CNOT4: variants seen among roughly 807,000 people sequenced by gnomAD.
The protein encoded by CNOT4 is CCR4-NOT transcription complex subunit 4.
Under a neutral mutation model 73.8 loss-of-function variants are expected in CNOT4, and 8 were observed. The ratio of observed to expected loss-of-function variants is 0.11; its 90% CI spans 0.06 to 0.20. The LOEUF is 0.20. Among genes scored for constraint, CNOT4 ranks in the 10% least tolerant of loss-of-function variants. The pLI is 1.00. For synonymous variants in CNOT4, 293 were observed against 321.1 expected (o/e 0.91, Z 0.94); for missense variants, 564 against 883.4 (o/e 0.64, Z 4.58).
At chr7:135,452,430 C>T (rs1290196317) in intron 1 of CNOT4, among the ~76,000 whole-genome samples, 1 of 152,010 alleles carries the variant, frequency 6.6e-6, no homozygotes, top group Non-Finnish European at 1.5e-5. Flanking sequence ...ATTAGCCAAG[C>T]GTGGTGGCAC....
chr7:135,476,689 A>G (rs910975819), intron 1 of CNOT4, among the ~76,000 whole-genome samples: 1 of 152,064 alleles, frequency 6.6e-6, no homozygotes, highest in African/African-American at 2.4e-5. Context: ...AAAAAAGAAA[A>G]GGCTGGGTAC....
At chr7:135,508,110 T>C (rs1277911825) in intron 1 of CNOT4, among the ~76,000 whole-genome samples, 1 of 152,228 alleles carries the variant, frequency 6.6e-6, no homozygotes, top group Non-Finnish European at 1.5e-5. Context: ...AACCCAGTAA[T>C]GGACTGCCAC....
intron 1 of CNOT4, among the ~76,000 whole-genome samples, chr7:135,453,403 A>G (rs1042368511): frequency 6.6e-6 from 1 of 152,032 alleles, no homozygotes; most frequent in African/African-American, 2.4e-5. Flanking sequence ...ATGGCATGCT[A>G]CTAATCTTAT....
intron 10 of CNOT4, chr7:135,388,320 C>T (rs575023271): frequency 1.0e-6 from 1 of 985,030 alleles, no homozygotes; most frequent in Non-Finnish European, 1.2e-6. Flanking sequence ...TAAATGACAC[C>T]ACCAATTTTG....
chr7:135,466,793 T>C (rs1174285956), intron 1 of CNOT4, among the ~76,000 whole-genome samples: 1 of 152,198 alleles, frequency 6.6e-6, no homozygotes, highest in African/African-American at 2.4e-5. Context: ...CAAATACCAT[T>C]GTGTTACAAA....
chr7:135,368,051 G>A (rs917413628), intron 10 of CNOT4, among the ~76,000 whole-genome samples: 5 of 152,096 alleles, frequency 3.3e-5, no homozygotes, highest in African/African-American at 1.2e-4. Flanking sequence ...AGGAAAGGGG[G>A]TCAAGTTGTT....
intron 1 of CNOT4, among the ~76,000 whole-genome samples, chr7:135,484,249 C>T (rs1802576211): frequency 6.6e-6 from 1 of 151,964 alleles, no homozygotes; most frequent in Non-Finnish European, 1.5e-5. Context: ...TTTCCCCTAA[C>T]TTCAAGTATA....
intron 1 of CNOT4, among the ~76,000 whole-genome samples, chr7:135,506,889 T>A (rs917695964): frequency 3.7e-4 from 56 of 151,892 alleles, no homozygotes; most frequent in African/African-American, 1.3e-3. Flanking sequence ...AAAGAAAATT[T>A]AATATTTTTC....
chr7:135,391,838 T>C (rs544244221), intron 10 of CNOT4, among the ~76,000 whole-genome samples: 20 of 152,196 alleles, frequency 1.3e-4, no homozygotes, highest in African/African-American at 4.8e-4. Context: ...GATCGTCATG[T>C]AATAAGTCAA....
chr7:135,390,230 T>C (rs1404223065), intron 10 of CNOT4, among the ~76,000 whole-genome samples: 3 of 152,112 alleles, frequency 2.0e-5, no homozygotes, highest in African/African-American at 7.2e-5. Context: ...AAGGAGGGCA[T>C]CGTTGTAGTG....
At position 135,362,854 on chromosome 7, in the gene CNOT4, C is replaced by A. The variant is rs761039619; in HGVS notation, c.*31G>T. 6.9e-6 allele frequency: 11 copies of A among 1,588,796 alleles called. No individual in the cohort carries two copies. Among genetic ancestry groups the A allele is most frequent in the Non-Finnish European group, 9.5e-6 (11 of 1,157,152 alleles). Reference sequence around the variant, plus strand: ...AGGGAGAAAACAGAGTGGGACAAATCCTGCATTTTCTAATGGTTGCTCCTC... The same window carrying A: ...AGGGAGAAAACAGAGTGGGACAAATACTGCATTTTCTAATGGTTGCTCCTC... On this transcript the variant is annotated 3_prime_UTR_variant, in exon 12 of 12. Transcript: ENST00000541284.
At chr7:135,422,417 T>A in intron 2 of CNOT4, 64 bp from the exon 3 acceptor site, 1 of 776,812 alleles carries the variant, frequency 1.3e-6, no homozygotes, top group Non-Finnish European at 2.3e-6. Context: ...CGTAAGTAAT[T>A]ATCTGATTCT....
intron 9 of CNOT4, among the ~76,000 whole-genome samples, chr7:135,395,114 G>A (rs1033878454): frequency 2.6e-5 from 4 of 152,116 alleles, no homozygotes; most frequent in Non-Finnish European, 5.9e-5. Context: ...CTTGCCAGGT[G>A]CAGTGCTTCA....
At chr7:135,378,984 CAA>C (rs34447722) in intron 10 of CNOT4, among the ~76,000 whole-genome samples, 31 of 97,078 alleles carry the variant, frequency 3.2e-4, no homozygotes, top group Non-Finnish European at 3.9e-4. Context: ...AACCCTGTCT[CAA>C]AAAAAAAAAA....
Position 135,371,676 on chromosome 7 carries a change from T to C in CNOT4, c.1628-7610A>G, listed in dbSNP as rs193009046. 2.0e-5 allele frequency among the ~76,000 whole-genome samples: 3 copies of C among 152,228 alleles called. No individual in the cohort carries two copies. The East Asian group carries it at 5.8e-4, about 29-fold the overall frequency. On this transcript the variant is annotated intron_variant, in intron 10 of 11. Coordinates refer to ENST00000541284, the MANE Select transcript of CNOT4 (RefSeq NM_001190850.2). ...CAGATTAATGAGAACCAGAAGAATC[T>C]AGATGGCTGCTTTATGAAGGATCTA...
chr7:135,490,962 C>A (rs953526317), intron 1 of CNOT4, among the ~76,000 whole-genome samples: 3 of 152,132 alleles, frequency 2.0e-5, no homozygotes, highest in African/African-American at 4.8e-5. Context: ...AAAGTTACAG[C>A]CAACAACTTC....
chr7:135,444,541 A>G (rs1345614074), intron 1 of CNOT4: 14 of 1,265,008 alleles, frequency 1.1e-5, no homozygotes, highest in South Asian at 2.4e-5. Flanking sequence ...AGACCTGCTT[A>G]TATCTCAGCA....
intron 10 of CNOT4, among the ~76,000 whole-genome samples, chr7:135,390,585 T>C (rs920789677): frequency 6.6e-6 from 1 of 152,086 alleles, no homozygotes; most frequent in Non-Finnish European, 1.5e-5. Context: ...AGGAAATAAC[T>C]ACTAATTTTA....
chr7:135,468,929 A>G (rs1420865643), intron 1 of CNOT4, among the ~76,000 whole-genome samples: 8 of 152,300 alleles, frequency 5.3e-5, no homozygotes, highest in Middle Eastern at 3.4e-3. Flanking sequence ...CCAAGGCCTG[A>G]GTAACTCCAA....
Sources: gnomAD v4.1 joint callset for allele counts (sites outside exome capture counted in the v4.1 genomes callset) on GRCh38, gnomAD v4.1.1 for gene constraint, MANE v1.5 for transcripts, NCBI Gene and HGNC (gene_info 2026-07-23, HGNC 2026-07-21) for gene names.